The following NR1I2 variants were observed in gnomAD, a reference collection of about 807,000 sequenced individuals.
NR1I2 encodes the protein nuclear receptor subfamily 1 group I member 2.
NR1I2 carries 42 observed loss-of-function variants against 43.3 expected under a neutral mutation model. The ratio of observed to expected loss-of-function variants is 0.97; its 90% CI spans 0.76 to 1.26. The LOEUF is 1.26. Ranked by LOEUF, NR1I2 falls within the 50% of genes most tolerant of loss-of-function variation. NR1I2 has a pLI of 0.00. For missense variants in NR1I2, 559 were observed against 566.7 expected, an observed-to-expected ratio of 0.99 and a Z score of 0.14; for synonymous variants, 229 against 215.0, an observed-to-expected ratio of 1.06 and a Z score of -0.57.
intron 3 of NR1I2, chr3:119,810,418 G>T: frequency 1.6e-6 from 1 of 636,712 alleles, no homozygotes; most frequent in Non-Finnish European, 2.7e-6. Context: ...GCCCTGGGAT[G>T]TGTGCTGGGC....
intron 1 of NR1I2, among the ~76,000 whole-genome samples, chr3:119,806,101 A>T (rs2055156246): frequency 6.6e-6 from 1 of 152,200 alleles, no homozygotes; most frequent in African/African-American, 2.4e-5. Flanking sequence ...CATTAGAAAA[A>T]GCATCGTCAT....
chr3:119,791,365 C>T (rs1300556949), intron 1 of NR1I2, among the ~76,000 whole-genome samples: 1 of 152,166 alleles, frequency 6.6e-6, no homozygotes, highest in Non-Finnish European at 1.5e-5. Context: ...CTATGAGAGT[C>T]TCCTGTACAA....
intron 1 of NR1I2, among the ~76,000 whole-genome samples, chr3:119,791,267 G>A (rs73175814): frequency 0.046 from 6,969 of 152,242 alleles, 189 homozygotes; most frequent in Non-Finnish European, 0.068. Context: ...ACCTTTGCTT[G>A]GGCACCAGGA....
At chr3:119,798,878 A>G (rs545670459) in intron 1 of NR1I2, among the ~76,000 whole-genome samples, 40 of 152,296 alleles carry the variant, frequency 2.6e-4, no homozygotes, top group African/African-American at 9.4e-4. Context: ...ATTCTTTTAA[A>G]CCGCTGAATA....
intron 1 of NR1I2, chr3:119,792,183 A>G (rs547094385): frequency 6.4e-6 from 7 of 1,090,130 alleles, no homozygotes; most frequent in Non-Finnish European, 9.9e-6. Flanking sequence ...GCTGCCATCC[A>G]TCACTACTGA....
Position 119,810,125 on chromosome 3 carries a change from C to G in NR1I2, c.262C>G (p.Arg88Gly), listed in dbSNP as rs956098723. 3.7e-6 allele frequency: 6 copies of G among 1,613,360 alleles called. No homozygotes were observed. The African/African-American group carries it at 8.0e-5, about 22-fold the overall frequency. ...CCGGAAGGGCGCCTGCGAGATCACC[C>G]GGAAGACCCGGCGACAGTGCCAGGC... Residue 88 changes from arginine (R) to glycine (G), a missense_variant, in exon 3 of 9, where the codon CGG (arginine) becomes GGG (glycine). Transcript: ENST00000393716.
rs1370495810 is a variant in NR1I2 at position 119,789,693 on chromosome 3, TTC to T, written c.-23+7395_-23+7396del. ...TTCTGCTGCTTCTCCTCCTCACAAC[TTC>T]TGTTTCCTCGGGGCCCTTCCTGCTT... On this transcript the variant is annotated intron_variant, in intron 1 of 8. Transcript: ENST00000393716. 9.9e-5 allele frequency among the ~76,000 whole-genome samples: 15 copies of T among 152,158 alleles called. No homozygotes were observed. The East Asian group carries it at 2.9e-3, about 29-fold the overall frequency.
intron 5 of NR1I2, among the ~76,000 whole-genome samples, chr3:119,814,754 C>T (rs1287600060): frequency 5.3e-5 from 8 of 152,084 alleles, no homozygotes; most frequent in Non-Finnish European, 1.2e-4. Context: ...GTGGAGTTCC[C>T]GGAGGTTGGA....
At chr3:119,815,235 A>G (rs1030435836) in intron 6 of NR1I2, 88 bp from the exon 7 acceptor site, 7 of 1,574,490 alleles carry the variant, frequency 4.4e-6, no homozygotes, top group African/African-American at 1.3e-5. Context: ...GGAAGATGGA[A>G]TGGTGGAAAA....
At chr3:119,805,586 C>T (rs1343876051) in intron 1 of NR1I2, among the ~76,000 whole-genome samples, 1 of 151,766 alleles carries the variant, frequency 6.6e-6, no homozygotes, top group African/African-American at 2.4e-5. Context: ...GCCTGTAGTC[C>T]CAGCTACTCA....
In NR1I2 at chr3:119,782,583, C is replaced by A. The variant is rs561018422; in HGVS notation, c.-23+283C>A. 3 of 603,916 alleles carry A rather than the reference C, an allele frequency of 5.0e-6. No individual in the cohort carries two copies. The African/African-American group carries it at 5.5e-5, about 11-fold the overall frequency. The allele number at this position is 603,916 out of a possible 1,614,324, so 37.4% of individuals were successfully genotyped here. A position where few individuals can be genotyped will look rare whatever the true frequency, so the allele number is the denominator to read the frequency against. On this transcript the variant is annotated intron_variant, in intron 1 of 8. Coordinates refer to ENST00000393716, the MANE Select transcript of NR1I2 (RefSeq NM_003889.4). ...GCCTTAACTACTGCATGAGTTACCA[C>A]AAGTCACACATACAACCAGCTCCCT...
intron 1 of NR1I2, among the ~76,000 whole-genome samples, chr3:119,799,065 G>A (rs932994600): frequency 5.3e-5 from 8 of 152,350 alleles, no homozygotes; most frequent in African/African-American, 1.9e-4. Context: ...ATATGTAGAA[G>A]TGGAATTGCT....
chr3:119,802,792 G>A, intron 1 of NR1I2: 2 of 428,486 alleles, frequency 4.7e-6, no homozygotes, highest in Admixed American at 5.0e-5. Context: ...AAGTTATTTG[G>A]AATACATAAC....
chr3:119,807,003 C>A (rs1418409166), intron 1 of NR1I2, among the ~76,000 whole-genome samples: 1 of 152,218 alleles, frequency 6.6e-6, no homozygotes, highest in Non-Finnish European at 1.5e-5. Context: ...CTCCTGTTCA[C>A]ATGTTCTACT....
At chr3:119,815,926 C>T in intron 8 of NR1I2, 95 bp downstream of exon 8, 1 of 1,024,826 alleles carries the variant, frequency 9.8e-7, no homozygotes, top group Non-Finnish European at 1.5e-6. Context: ...AGGGTGGCAT[C>T]TGGAGGTAGC....
rs547167161 is a variant in NR1I2, at chr3:119,802,516, A to G, written c.-22-4713A>G. On this transcript the variant is annotated intron_variant, in intron 1 of 8. Transcript: ENST00000393716. ...GAGAAAGCAGCATCTCACCATCTTC[A>G]ATTGTCCAAAGTTCACAATTGATGT... is the stretch of plus-strand genomic sequence containing the variant. Among the ~76,000 whole-genome samples, 31 of 152,286 alleles carry G rather than the reference A, an allele frequency of 2.0e-4. No homozygotes were observed. In the South Asian group the frequency reaches 6.2e-3, roughly 31 times the overall value.
At chr3:119,792,354 T>C in intron 1 of NR1I2, 1 of 1,410,360 alleles carries the variant, frequency 7.1e-7, no homozygotes, top group Non-Finnish European at 1.0e-6. Context: ...CAGGAAGGAG[T>C]TCACAGAAGC....
At chr3:119,808,885 T>A (rs1392459372) in intron 2 of NR1I2, among the ~76,000 whole-genome samples, 1 of 152,256 alleles carries the variant, frequency 6.6e-6, no homozygotes, top group Non-Finnish European at 1.5e-5. Context: ...AGCCCCGGTT[T>A]CATCTTTTAC....
chr3:119,782,586 G>A, intron 1 of NR1I2: 2 of 606,236 alleles, frequency 3.3e-6, no homozygotes, highest in East Asian at 2.8e-5. Flanking sequence ...GTTACCACAA[G>A]TCACACATAC....
Sources: gnomAD v4.1 joint callset for allele counts (sites outside exome capture counted in the v4.1 genomes callset) on GRCh38, gnomAD v4.1.1 for gene constraint, MANE v1.5 for transcripts, NCBI Gene and HGNC (gene_info 2026-07-23, HGNC 2026-07-21) for gene names.